Variants in OR11A1 observed in about 807,000 individuals in gnomAD.
The protein encoded by OR11A1 is olfactory receptor family 11 subfamily A member 1.
For synonymous variants in OR11A1, 158 were observed against 152.2 expected, an observed-to-expected ratio of 1.04 and a Z score of -0.28; for missense variants, 380 against 378.2, an observed-to-expected ratio of 1.00 and a Z score of -0.04.
chr6:29,426,767 GTA>G lies in OR11A1; in HGVS notation c.873_874del (p.Thr292HisfsTer20), dbSNP rs1314131766. The G allele has an allele frequency of 1.1e-5, 18 of 1,613,028 alleles. No homozygotes were observed. The highest frequency in any genetic ancestry group is 6.6e-5 in the South Asian group (6 of 91,080). ...CTGATGCACCTCCTTGTTCCTCATG[GTA>G]TAGATCACAGGATTGAAGAGAGGGG... On this transcript the variant is annotated frameshift_variant, in exon 5 of 5. Transcript: ENST00000377149. LOFTEE classifies it low-confidence loss of function (END_TRUNC).
chr6:29,449,010 A>T (rs962500679), intron 1 of OR11A1, among the ~76,000 whole-genome samples: 1 of 152,216 alleles, frequency 6.6e-6, no homozygotes, highest in Non-Finnish European at 1.5e-5. Flanking sequence ...AAAATGATGA[A>T]GAAAGTAGAA....
At chr6:29,456,764 A>C (rs1002534573) in intron 1 of OR11A1, among the ~76,000 whole-genome samples, 3 of 152,218 alleles carry the variant, frequency 2.0e-5, no homozygotes, top group Middle Eastern at 3.2e-3. Context: ...TAATGGCTTC[A>C]AACAACAAAT....
chr6:29,454,853 A>G (rs1337520372), intron 1 of OR11A1, among the ~76,000 whole-genome samples: 1 of 152,122 alleles, frequency 6.6e-6, no homozygotes, highest in East Asian at 1.9e-4. Context: ...AGATATAGGT[A>G]TAAAAACTGT....
At chr6:29,440,568 C>A (rs777826719) in intron 1 of OR11A1, 9 of 1,613,778 alleles carry the variant, frequency 5.6e-6, no homozygotes, top group South Asian at 5.5e-5. Context: ...GCCTGTCCTG[C>A]AGCTGGTATG....
chr6:29,432,472 A>G (rs996807758), intron 1 of OR11A1, among the ~76,000 whole-genome samples: 1 of 152,002 alleles, frequency 6.6e-6, no homozygotes, highest in African/African-American at 2.4e-5. Flanking sequence ...CCTGCCCTCA[A>G]CTTTCATTCT....
chr6:29,429,412 A>G (rs997368282), intron 3 of OR11A1, among the ~76,000 whole-genome samples: 8 of 152,264 alleles, frequency 5.3e-5, no homozygotes, highest in African/African-American at 1.9e-4. Context: ...TCTAGTGTAT[A>G]GAAGATATTA....
At chr6:29,440,876 C>T (rs1784120530) in intron 1 of OR11A1, 5 of 1,613,762 alleles carry the variant, frequency 3.1e-6, no homozygotes, top group African/African-American at 1.3e-5. Flanking sequence ...TCAACCCCAT[C>T]ATCTACAGCC....
intron 1 of OR11A1, among the ~76,000 whole-genome samples, chr6:29,434,524 T>C (rs1043716156): frequency 2.6e-5 from 4 of 152,218 alleles, no homozygotes; most frequent in African/African-American, 9.6e-5. Context: ...GAACCATCCT[T>C]GCATCTCAGA....
At chr6:29,440,022 G>A (rs760476949) in intron 1 of OR11A1, 4 of 1,612,518 alleles carry the variant, frequency 2.5e-6, no homozygotes, top group Non-Finnish European at 2.5e-6. Flanking sequence ...CAGGATGAGT[G>A]CAAACACCTC....
At chr6:29,448,319 G>C (rs905839021) in intron 1 of OR11A1, among the ~76,000 whole-genome samples, 1 of 152,018 alleles carries the variant, frequency 6.6e-6, no homozygotes, top group South Asian at 2.1e-4. Flanking sequence ...CCAGCCACAC[G>C]ACCCTTTCTA....
intron 1 of OR11A1, among the ~76,000 whole-genome samples, chr6:29,438,801 A>G (rs548423817): frequency 6.7e-6 from 1 of 148,738 alleles, no homozygotes; most frequent in South Asian, 2.1e-4. Context: ...AGGCTTCCTC[A>G]AGAGGGATCC....
rs1786313622 is a variant in OR11A1, at chr6:29,456,519, AAAATT to A, written c.-389+463_-389+467del. ...AGCAAGACTCCGTCTCAAAAAAAAA[AAAATT>A]AAATTAAAAAGCTATAAAAGCTATA... On this transcript the variant is annotated intron_variant, in intron 1 of 4. Coordinates refer to ENST00000377149, the MANE Select transcript of OR11A1 (RefSeq NM_001394828.1). Among the ~76,000 whole-genome samples the A allele has an allele frequency of 5.3e-5, 8 of 152,282 alleles. 1 individual carries two copies. The South Asian group carries it at 1.5e-3, about 28-fold the overall frequency.
rs181753522 is a variant in OR11A1 at position 29,449,193 on chromosome 6, C to T, written c.-389+7794G>A. ...AGTGAGTCCTGAAGTAAACAATGGACGTTGGGTGATAATGATATGTCAGTG... is the reference window on the plus strand; with the variant it reads ...AGTGAGTCCTGAAGTAAACAATGGATGTTGGGTGATAATGATATGTCAGTG... On this transcript the variant is annotated intron_variant, in intron 1 of 4. Transcript: ENST00000377149. Among the ~76,000 whole-genome samples the T allele has an allele frequency of 1.1e-3, 160 of 152,122 alleles. 1 individual carries two copies. Among genetic ancestry groups the T allele is most frequent in the Non-Finnish European group, 1.7e-3 (118 of 68,008 alleles).
Position 29,440,940 on chromosome 6 carries a change from C to A in OR11A1, c.-388-8953G>T, listed in dbSNP as rs149013102. ...AAAGAGAACCATCCAGAAAACGGTGCCTATGGAGATTTGAAAAGGGGGCGA... is the reference window on the plus strand; with the variant it reads ...AAAGAGAACCATCCAGAAAACGGTGACTATGGAGATTTGAAAAGGGGGCGA... On this transcript the variant is annotated intron_variant, in intron 1 of 4. Coordinates refer to ENST00000377149, the MANE Select transcript of OR11A1 (RefSeq NM_001394828.1). 9.2e-3 allele frequency: 14,838 copies of A among 1,607,556 alleles called. 123 individuals carry two copies. Among genetic ancestry groups the A allele is most frequent in the South Asian group, 0.014 (1,282 of 90,986 alleles).
intron 1 of OR11A1, chr6:29,440,660 C>T: frequency 6.2e-7 from 1 of 1,614,178 alleles, no homozygotes. Flanking sequence ...TCATCCTGGG[C>T]TCCTACGGGC....
At chr6:29,447,205 T>C (rs1237724346) in intron 1 of OR11A1, among the ~76,000 whole-genome samples, 1 of 152,178 alleles carries the variant, frequency 6.6e-6, no homozygotes, top group Non-Finnish European at 1.5e-5. Flanking sequence ...AGAATACAAA[T>C]GATAAACATA....
chr6:29,436,035 T>C (rs1181550449), intron 1 of OR11A1, among the ~76,000 whole-genome samples: 2 of 152,206 alleles, frequency 1.3e-5, no homozygotes, highest in Non-Finnish European at 2.9e-5. Flanking sequence ...TGACCTTCAT[T>C]ATTTGTGGAT....
At chr6:29,428,756 CAAAAAAAAAAAAAA>C (rs11424255) in intron 4 of OR11A1, among the ~76,000 whole-genome samples, 143 bp downstream of exon 4, 8 of 47,886 alleles carry the variant, frequency 1.7e-4, no homozygotes, top group African/African-American at 5.2e-4. Flanking sequence ...AACTCCATCT[CAAAAAAAAAAAAAA>C]AAAAAAAAAA....
At chr6:29,427,818 G>A in intron 4 of OR11A1, 86 bp from the exon 5 acceptor site, 1 of 997,086 alleles carries the variant, frequency 1.0e-6, no homozygotes, top group Non-Finnish European at 1.4e-6. Flanking sequence ...CCCCTTCTTA[G>A]TTGTCATTCC....
Sources: gnomAD v4.1 joint callset for allele counts (sites outside exome capture counted in the v4.1 genomes callset) on GRCh38, gnomAD v4.1.1 for gene constraint, MANE v1.5 for transcripts, NCBI Gene and HGNC (gene_info 2026-07-23, HGNC 2026-07-21) for gene names.